MARCHF1: variants seen among roughly 807,000 people sequenced by gnomAD.
MARCHF1 encodes the protein membrane associated ring-CH-type finger 1, also known as E3 ubiquitin-protein ligase MARCHF1.
MARCHF1 carries 40 observed loss-of-function variants against 54.2 expected under a neutral mutation model. The ratio of observed to expected loss-of-function variants is 0.74; its 90% CI spans 0.57 to 0.96. The LOEUF (loss-of-function observed/expected upper bound fraction) is 0.96. Ranked by LOEUF, MARCHF1 falls within the 40% of genes least tolerant of loss-of-function variation. The probability of loss-of-function intolerance (pLI) is 0.00; values close to 1 mark genes in which losing one functional copy is unlikely to be tolerated. For missense variants in MARCHF1, 586 were observed against 656.5 expected, an observed-to-expected ratio of 0.89 and a Z score of 1.17; for synonymous variants, 236 against 236.3, an observed-to-expected ratio of 1.00 and a Z score of 0.01.
chr4:163,833,327 A>G (rs1410922513), intron 4 of MARCHF1, among the ~76,000 whole-genome samples: 6 of 152,318 alleles, frequency 3.9e-5, no homozygotes, highest in Admixed American at 1.3e-4. Context: ...CATGTCTAAA[A>G]CACCAAAAGC....
At chr4:164,188,512 C>A in intron 1 of MARCHF1, 2 of 695,798 alleles carry the variant, frequency 2.9e-6, no homozygotes. Flanking sequence ...TCTGTGTGTT[C>A]AAGACCGGCT....
intron 4 of MARCHF1, among the ~76,000 whole-genome samples, chr4:163,726,664 T>C (rs1473711627): frequency 6.6e-6 from 1 of 152,092 alleles, no homozygotes; most frequent in Non-Finnish European, 1.5e-5. Context: ...TATGTTTAGT[T>C]CAGTAAGAAA....
chr4:163,876,634 T>A (rs1388241014), intron 3 of MARCHF1, among the ~76,000 whole-genome samples: 1 of 152,124 alleles, frequency 6.6e-6, no homozygotes, highest in Non-Finnish European at 1.5e-5. Flanking sequence ...GTTACAAATT[T>A]GGTAGGCATC....
intron 1 of MARCHF1, among the ~76,000 whole-genome samples, chr4:164,357,914 A>G (rs1444706422): frequency 1.3e-5 from 2 of 152,202 alleles, no homozygotes; most frequent in Non-Finnish European, 2.9e-5. Flanking sequence ...AGAAAGAAAC[A>G]TCATCAGAAA....
chr4:164,122,582 T>C (rs1756092113), intron 1 of MARCHF1, among the ~76,000 whole-genome samples: 1 of 152,002 alleles, frequency 6.6e-6, no homozygotes, highest in Non-Finnish European at 1.5e-5. Context: ...AATCAGACAC[T>C]GCTTCCTCAA....
Position 164,072,235 on chromosome 4 carries a change from A to G in MARCHF1, c.-248+39353T>C, listed in dbSNP as rs117348638. Among the ~76,000 whole-genome samples the G allele has an allele frequency of 1.5e-3, 225 of 152,264 alleles. 5 individuals are homozygous for G. In the East Asian group the frequency reaches 0.036, roughly 24 times the overall value. ...TTATAACAAATATAAAAAACATTAT[A>G]ATTTCCCGTCATTTATTCATGTTTT... On this transcript the variant is annotated intron_variant, in intron 2 of 9. Coordinates refer to ENST00000514618, the MANE Select transcript of MARCHF1 (RefSeq NM_001394959.1).
chr4:164,040,898 C>G (rs1210710411), intron 2 of MARCHF1, among the ~76,000 whole-genome samples: 1 of 151,988 alleles, frequency 6.6e-6, no homozygotes, highest in Non-Finnish European at 1.5e-5. Context: ...ATTGTTTAAT[C>G]TAATATAAAT....
At chr4:163,546,009 C>G (rs532474968) in intron 8 of MARCHF1, among the ~76,000 whole-genome samples, 22 of 151,948 alleles carry the variant, frequency 1.4e-4, no homozygotes, top group African/African-American at 5.1e-4. Context: ...GGGTCTCACT[C>G]TGTCGCCCAG....
intron 4 of MARCHF1, among the ~76,000 whole-genome samples, chr4:163,773,680 T>G (rs1477745716): frequency 6.6e-6 from 1 of 152,218 alleles, no homozygotes; most frequent in East Asian, 1.9e-4. Context: ...CACCTCATTT[T>G]TCACACACCT....
chr4:163,827,045 C>G (rs141024181), intron 4 of MARCHF1, among the ~76,000 whole-genome samples: 159 of 151,746 alleles, frequency 1.0e-3, no homozygotes, highest in African/African-American at 3.7e-3. Flanking sequence ...ATTGTATGAA[C>G]TTATGTTAAC....
rs541226026 is a variant in MARCHF1, at chr4:164,250,347, A to T, written c.-323+133523T>A. Reference sequence around the variant, plus strand: ...TAACTGTTACATCTCAAGGATTTTCATTTGTTACCAGATTTTAGAATGTTC... The same window carrying T: ...TAACTGTTACATCTCAAGGATTTTCTTTTGTTACCAGATTTTAGAATGTTC... On this transcript the variant is annotated intron_variant, in intron 1 of 9. Transcript: ENST00000514618. Among the ~76,000 whole-genome samples the T allele has an allele frequency of 2.0e-5, 3 of 152,170 alleles. No homozygotes were observed. The South Asian group carries it at 6.2e-4, about 32-fold the overall frequency.
Position 163,563,399 on chromosome 4 carries a change from C to G in MARCHF1, c.1192-17656G>C, listed in dbSNP as rs149779082. 6.6e-3 allele frequency among the ~76,000 whole-genome samples: 1,003 copies of G among 152,280 alleles called. 9 individuals carry two copies. Among genetic ancestry groups the G allele is most frequent in the African/African-American group, 0.023 (959 of 41,546 alleles). On this transcript the variant is annotated intron_variant, in intron 8 of 9. Transcript: ENST00000514618. ...TTTATCCTCTGCGGGTTTAAATGTACTATTTTCTTTCCTAGGACTGCTTCA... is the reference window on the plus strand; with the variant it reads ...TTTATCCTCTGCGGGTTTAAATGTAGTATTTTCTTTCCTAGGACTGCTTCA...
intron 8 of MARCHF1, among the ~76,000 whole-genome samples, chr4:163,582,169 C>T (rs964246445): frequency 6.6e-6 from 1 of 152,126 alleles, no homozygotes; most frequent in African/African-American, 2.4e-5. Flanking sequence ...GAGTGCACTT[C>T]CAATTGCACT....
At chr4:164,172,012 C>A (rs932736847) in intron 1 of MARCHF1, among the ~76,000 whole-genome samples, 4 of 152,128 alleles carry the variant, frequency 2.6e-5, no homozygotes, top group Admixed American at 2.6e-4. Flanking sequence ...CCCGTCTCTC[C>A]AACATGGGGT....
chr4:164,354,148 G>A (rs1730440375), intron 1 of MARCHF1, among the ~76,000 whole-genome samples: 1 of 101,026 alleles, frequency 9.9e-6, no homozygotes, highest in African/African-American at 3.5e-5. Flanking sequence ...AAGAGTCCAG[G>A]ACCAGATGGA....
chr4:164,221,682 T>C (rs1732117222), intron 1 of MARCHF1, among the ~76,000 whole-genome samples: 1 of 151,988 alleles, frequency 6.6e-6, no homozygotes, highest in Non-Finnish European at 1.5e-5. Context: ...TCCTCCACCA[T>C]CAATATTTTG....
At chr4:163,703,113 T>C (rs1346045089) in intron 4 of MARCHF1, among the ~76,000 whole-genome samples, 1 of 152,136 alleles carries the variant, frequency 6.6e-6, no homozygotes, top group Non-Finnish European at 1.5e-5. Context: ...GAGTTATAAA[T>C]GAAAACATTT....
At chr4:164,200,768 G>A (rs1452085290) in intron 1 of MARCHF1, among the ~76,000 whole-genome samples, 1 of 152,184 alleles carries the variant, frequency 6.6e-6, no homozygotes, top group Non-Finnish European at 1.5e-5. Flanking sequence ...GATAATTTCA[G>A]AAAGCAATAA....
rs574942218 is a variant in MARCHF1, at chr4:164,114,767, T to C, written c.-322-3105A>G. 5.5e-4 allele frequency among the ~76,000 whole-genome samples: 83 copies of C among 151,010 alleles called. 1 individual carries two copies. The highest frequency in any genetic ancestry group is 3.5e-3 in the South Asian group (17 of 4,790). On this transcript the variant is annotated intron_variant, in intron 1 of 9. Coordinates refer to ENST00000514618, the MANE Select transcript of MARCHF1 (RefSeq NM_001394959.1). ...CACACACAATACAATGTTTGGAACA[T>C]TGCAAAAATTTTGGAGAATTCAGAG...
Sources: gnomAD v4.1 joint callset for allele counts (sites outside exome capture counted in the v4.1 genomes callset) on GRCh38, gnomAD v4.1.1 for gene constraint, MANE v1.5 for transcripts, NCBI Gene and HGNC (gene_info 2026-07-23, HGNC 2026-07-21) for gene names.